The following MDFIC2 variants were observed in gnomAD, a reference collection of about 807,000 sequenced individuals.
MDFIC2 encodes the protein MyoD family inhibitor domain containing 2.
At position 70,195,447 on chromosome 3, in the gene MDFIC2, A is replaced by C. The variant is rs1014872474; in HGVS notation, c.*1479T>G. On this transcript the variant is annotated 3_prime_UTR_variant, in exon 4 of 4. Coordinates refer to ENST00000567252, the MANE Select transcript of MDFIC2 (RefSeq NM_001364677.1). The stretch of plus-strand genomic sequence containing the variant: ...AAATGCCTTTTTAGAGGCAGTTTAC[A>C]AATATTTTTAACAGATGAATAGTTT... 6.6e-6 allele frequency among the ~76,000 whole-genome samples: 1 copy of C among 152,232 alleles called. No individual in the cohort carries two copies. Among genetic ancestry groups the C allele is most frequent in the African/African-American group, 2.4e-5 (1 of 41,464 alleles).
intron 3 of MDFIC2, among the ~76,000 whole-genome samples, chr3:70,203,297 A>C (rs992775211): frequency 1.3e-5 from 2 of 152,174 alleles, no homozygotes; most frequent in Non-Finnish European, 2.9e-5. Context: ...ACTGATTACT[A>C]AAAGTTTCCA....
rs55990203 is a variant in MDFIC2 at position 70,293,045 on chromosome 3, C to CAA, written c.88+18839_88+18840dup. ...GAACTTTGATTTCTGTGGTTTGAAGCAAAAAAAAAAAAAAAAAAAAAAAAA... is the reference window on the plus strand; with the variant it reads ...GAACTTTGATTTCTGTGGTTTGAAGCAAAAAAAAAAAAAAAAAAAAAAAAAAA... On this transcript the variant is annotated intron_variant, in intron 2 of 3. Transcript: ENST00000567252. Among the ~76,000 whole-genome samples, 675 of 74,748 alleles carry CAA rather than the reference C, an allele frequency of 9.0e-3. 54 individuals carry two copies. Among genetic ancestry groups the CAA allele is most frequent in the Middle Eastern group, 0.02 (2 of 98 alleles). The allele number at this position is 74,748 out of a possible 152,430, so 49.0% of individuals were successfully genotyped here.
At chr3:70,297,360 A>G (rs986070485) in intron 2 of MDFIC2, among the ~76,000 whole-genome samples, 25 of 152,212 alleles carry the variant, frequency 1.6e-4, no homozygotes, top group Non-Finnish European at 2.9e-4. Flanking sequence ...CACAAAAAGA[A>G]CTGGATATCT....
At chr3:70,214,806 C>G (rs1023910918) in intron 2 of MDFIC2, among the ~76,000 whole-genome samples, 1 of 152,010 alleles carries the variant, frequency 6.6e-6, no homozygotes, top group African/African-American at 2.4e-5. Context: ...TTATGAGTCT[C>G]CATTTCATTT....
At chr3:70,225,424 TC>T (rs923764459) in intron 2 of MDFIC2, among the ~76,000 whole-genome samples, 5 of 152,204 alleles carry the variant, frequency 3.3e-5, no homozygotes, top group South Asian at 2.1e-4. Context: ...TTCACATTGA[TC>T]TTTTTTTATA....
chr3:70,226,566 T>G (rs1245341687), intron 2 of MDFIC2, among the ~76,000 whole-genome samples: 2 of 151,834 alleles, frequency 1.3e-5, no homozygotes, highest in Admixed American at 1.3e-4. Context: ...GGTGAAATCC[T>G]GTCTCTATTA....
At chr3:70,201,786 C>T (rs1701241768) in intron 3 of MDFIC2, among the ~76,000 whole-genome samples, 1 of 152,178 alleles carries the variant, frequency 6.6e-6, no homozygotes. Context: ...TCCATTCCCT[C>T]CTCTTGCCCT....
intron 3 of MDFIC2, among the ~76,000 whole-genome samples, chr3:70,198,893 G>A (rs970815289): frequency 6.6e-6 from 1 of 152,146 alleles, no homozygotes; most frequent in Non-Finnish European, 1.5e-5. Flanking sequence ...GAGTAAGTTA[G>A]TAATAGTATA....
intron 2 of MDFIC2, among the ~76,000 whole-genome samples, chr3:70,224,833 A>C (rs1319078666): frequency 6.6e-6 from 1 of 151,732 alleles, no homozygotes; most frequent in African/African-American, 2.4e-5. Context: ...TTCCCCCCCC[A>C]CACCTCACCC....
intron 2 of MDFIC2, among the ~76,000 whole-genome samples, chr3:70,219,630 T>G (rs1701444374): frequency 6.6e-6 from 1 of 152,176 alleles, no homozygotes; most frequent in African/African-American, 2.4e-5. Flanking sequence ...AAGGGACATG[T>G]GTGAACCAAG....
intron 2 of MDFIC2, among the ~76,000 whole-genome samples, chr3:70,269,360 T>TTC (rs1169057441): frequency 3.9e-5 from 6 of 152,206 alleles, no homozygotes; most frequent in Non-Finnish European, 8.8e-5. Context: ...CTGTAACCTG[T>TTC]CTGGATACAT....
intron 2 of MDFIC2, among the ~76,000 whole-genome samples, chr3:70,311,282 T>G (rs1003750066): frequency 1.3e-5 from 2 of 152,282 alleles, no homozygotes; most frequent in East Asian, 3.9e-4. Context: ...AATCAAAAAA[T>G]TATAAAACCG....
chr3:70,263,991 CTCT>C (rs1156280569), intron 2 of MDFIC2, among the ~76,000 whole-genome samples: 6 of 152,208 alleles, frequency 3.9e-5, no homozygotes, highest in Non-Finnish European at 5.9e-5. Flanking sequence ...GGCTCTCCTA[CTCT>C]GTCATGACTG....
intron 2 of MDFIC2, among the ~76,000 whole-genome samples, chr3:70,223,141 A>G (rs892404285): frequency 2.0e-5 from 3 of 152,276 alleles, no homozygotes; most frequent in Middle Eastern, 6.8e-3. Flanking sequence ...TCATTGTTCT[A>G]TACTACTCTT....
chr3:70,298,851 T>G (rs908701470), intron 2 of MDFIC2, among the ~76,000 whole-genome samples: 2 of 152,180 alleles, frequency 1.3e-5, no homozygotes, highest in African/African-American at 4.8e-5. Context: ...CTGGTCCTGT[T>G]GTTTACTACC....
intron 2 of MDFIC2, among the ~76,000 whole-genome samples, chr3:70,246,312 A>G (rs1333267766): frequency 6.6e-6 from 1 of 152,126 alleles, no homozygotes; most frequent in Non-Finnish European, 1.5e-5. Flanking sequence ...TGTCAGAAAC[A>G]GTTTGAACGT....
At chr3:70,261,524 C>A (rs1466507723) in intron 2 of MDFIC2, among the ~76,000 whole-genome samples, 1 of 152,062 alleles carries the variant, frequency 6.6e-6, no homozygotes, top group Non-Finnish European at 1.5e-5. Flanking sequence ...TTTCAATTTC[C>A]GTGGTAATGA....
intron 2 of MDFIC2, among the ~76,000 whole-genome samples, chr3:70,281,128 A>G (rs1702078576): frequency 6.6e-6 from 1 of 152,128 alleles, no homozygotes; most frequent in Non-Finnish European, 1.5e-5. Flanking sequence ...TTTTTCAAGG[A>G]TGTTTCAGAG....
intron 2 of MDFIC2, among the ~76,000 whole-genome samples, chr3:70,254,148 T>TAC (rs578028564): frequency 0.025 from 507 of 20,460 alleles, 3 homozygotes; most frequent in African/African-American, 0.087. Flanking sequence ...CAGTTCCAAT[T>TAC]ACACAAAAAA....
Sources: allele counts gnomAD v4.1 joint callset (sites outside exome capture counted in the v4.1 genomes callset), GRCh38; gene constraint gnomAD v4.1.1; transcripts MANE v1.5; gene names NCBI Gene and HGNC (gene_info 2026-07-23, HGNC 2026-07-21).